Variants in FGFR2 observed in about 807,000 individuals in gnomAD.
FGFR2 encodes the protein BEK fibroblast growth factor receptor.
In FGFR2, 19 loss-of-function variants were observed where a neutral mutation model predicts 95.9. That is an observed-to-expected ratio of 0.20 (90% CI 0.14 to 0.29). FGFR2 has a LOEUF of 0.29. FGFR2 is among the 10% of genes least tolerant of loss of function. The probability of loss-of-function intolerance (pLI) is 1.00; values close to 1 mark genes in which losing one functional copy is unlikely to be tolerated. For missense variants in FGFR2, 707 were observed against 1,056.9 expected (o/e 0.67, Z 4.59); for synonymous variants, 392 against 393.3 (o/e 1.00, Z 0.04).
chr10:121,502,487 AC>A (rs1273258039), intron 10 of FGFR2, among the ~76,000 whole-genome samples: 2 of 152,188 alleles, frequency 1.3e-5, no homozygotes, highest in Non-Finnish European at 2.9e-5. Flanking sequence ...CTAACGGTAC[AC>A]ATCTCTAAAT....
intron 2 of FGFR2, among the ~76,000 whole-genome samples, chr10:121,581,077 A>G (rs747663941): frequency 2.1e-4 from 32 of 152,196 alleles, no homozygotes; most frequent in Admixed American, 1.3e-3. Context: ...AACTCTGCCA[A>G]TTAGAGGTAG....
intron 6 of FGFR2, among the ~76,000 whole-genome samples, chr10:121,532,335 A>G (rs1852197629): frequency 6.6e-6 from 1 of 152,152 alleles, no homozygotes. Context: ...TGTCATTTAA[A>G]TGATGCCACC....
intron 2 of FGFR2, among the ~76,000 whole-genome samples, chr10:121,576,882 C>T (rs539699617): frequency 6.6e-6 from 1 of 151,724 alleles, no homozygotes; most frequent in South Asian, 2.1e-4. Flanking sequence ...TGCCTGTAAT[C>T]CCAGAACTTT....
chr10:121,479,611 G>T lies in FGFR2; in HGVS notation c.*246C>A, dbSNP rs1773573930. 1.9e-6 allele frequency: 3 copies of T among 1,551,638 alleles called. No homozygotes were observed. The highest frequency in any genetic ancestry group is 2.6e-6 in the Non-Finnish European group (3 of 1,147,010). The stretch of plus-strand genomic sequence containing the variant: ...GGTCCACAGCCAGTACGCACGGCAG[G>T]TGAGAGGGGTTACATGGTGGCTTGT... On this transcript the variant is annotated 3_prime_UTR_variant, in exon 18 of 18. Coordinates refer to ENST00000358487, the MANE Select transcript of FGFR2 (RefSeq NM_000141.5).
At chr10:121,553,752 A>G (rs1043418360) in intron 4 of FGFR2, among the ~76,000 whole-genome samples, 1 of 152,202 alleles carries the variant, frequency 6.6e-6, no homozygotes, top group East Asian at 1.9e-4. Flanking sequence ...TTTTTACATA[A>G]AAGAAATCAA....
intron 2 of FGFR2, among the ~76,000 whole-genome samples, chr10:121,579,560 T>C (rs547855654): frequency 6.6e-6 from 1 of 152,316 alleles, no homozygotes; most frequent in Non-Finnish European, 1.5e-5. Flanking sequence ...ATGATGCCTG[T>C]TTAATTTACA....
At chr10:121,581,544 G>A (rs1411870224) in intron 2 of FGFR2, among the ~76,000 whole-genome samples, 5 of 147,658 alleles carry the variant, frequency 3.4e-5, no homozygotes, top group African/African-American at 1.3e-4. Context: ...TTTGAGACCA[G>A]GCTGGGCAAC....
intron 9 of FGFR2, among the ~76,000 whole-genome samples, chr10:121,510,797 A>G (rs1848957538): frequency 1.3e-5 from 2 of 151,000 alleles, no homozygotes; most frequent in Non-Finnish European, 2.9e-5. Context: ...ATTTTATTTT[A>G]TTTTATTTTA....
intron 5 of FGFR2, among the ~76,000 whole-genome samples, chr10:121,542,794 T>TA (rs1853956645): frequency 6.6e-6 from 1 of 152,294 alleles, no homozygotes; most frequent in African/African-American, 2.4e-5. Flanking sequence ...ATTCTTCTGT[T>TA]ACCTTCATTC....
chr10:121,587,296 TA>T (rs1861975255), intron 2 of FGFR2, among the ~76,000 whole-genome samples: 1 of 152,046 alleles, frequency 6.6e-6, no homozygotes, highest in Admixed American at 6.5e-5. Context: ...TCCAAAACTA[TA>T]AAACCCCGGA....
chr10:121,511,589 G>C (rs1421112597), intron 9 of FGFR2, among the ~76,000 whole-genome samples: 1 of 152,148 alleles, frequency 6.6e-6, no homozygotes, highest in Non-Finnish European at 1.5e-5. Flanking sequence ...CCCCTCTCTG[G>C]GCTGGCTGTT....
chr10:121,594,104 A>C, intron 1 of FGFR2, 137 bp from the exon 2 acceptor site: 2 of 532,222 alleles, frequency 3.8e-6, no homozygotes, highest in South Asian at 2.0e-5. Flanking sequence ...AAATCCTTCC[A>C]TCCTCACCTC....
chr10:121,549,101 C>A (rs1006192056), intron 5 of FGFR2, among the ~76,000 whole-genome samples: 1 of 152,188 alleles, frequency 6.6e-6, no homozygotes, highest in Non-Finnish European at 1.5e-5. Context: ...TTCACATGTT[C>A]ACTGCCCACC....
intron 2 of FGFR2, among the ~76,000 whole-genome samples, chr10:121,573,757 C>T (rs940520195): frequency 3.3e-5 from 5 of 152,016 alleles, no homozygotes; most frequent in Non-Finnish European, 5.9e-5. Context: ...AGGAAGAAAC[C>T]CGTTTGTACC....
chr10:121,592,284 A>G (rs1246592458), intron 2 of FGFR2, among the ~76,000 whole-genome samples: 1 of 152,202 alleles, frequency 6.6e-6, no homozygotes, highest in Non-Finnish European at 1.5e-5. Flanking sequence ...AAAGCCCTGT[A>G]AAAATGCATC....
At chr10:121,544,443 T>TAA (rs753310814) in intron 5 of FGFR2, among the ~76,000 whole-genome samples, 63 of 106,198 alleles carry the variant, frequency 5.9e-4, no homozygotes, top group African/African-American at 1.5e-3. Flanking sequence ...AACTCCGTCT[T>TAA]AAAAAAAAAA....
At chr10:121,514,613 A>T (rs2981454) in intron 9 of FGFR2, among the ~76,000 whole-genome samples, 1 of 152,160 alleles carries the variant, frequency 6.6e-6, no homozygotes. Flanking sequence ...TTATTGTGCA[A>T]CAGTTTAAAT....
At chr10:121,494,011 C>G (rs1473178110) in intron 13 of FGFR2, among the ~76,000 whole-genome samples, 1 of 152,014 alleles carries the variant, frequency 6.6e-6, no homozygotes, top group Non-Finnish European at 1.5e-5. Flanking sequence ...AGCCCACCAG[C>G]TTTTCTCGGT....
At chr10:121,522,115 G>A (rs1384500025) in intron 6 of FGFR2, among the ~76,000 whole-genome samples, 1 of 152,208 alleles carries the variant, frequency 6.6e-6, no homozygotes, top group Non-Finnish European at 1.5e-5. Context: ...GCGGAACGGT[G>A]GTTGCCAGGG....
Sources: allele counts gnomAD v4.1 joint callset (sites outside exome capture counted in the v4.1 genomes callset), GRCh38; gene constraint gnomAD v4.1.1; transcripts MANE v1.5; gene names NCBI Gene and HGNC (gene_info 2026-07-23, HGNC 2026-07-21).